The following CALN1 variants were observed in gnomAD, a reference collection of about 807,000 sequenced individuals.
CALN1 encodes calcium-binding protein 8.
CALN1 carries 17 observed loss-of-function variants against 30.6 expected under a neutral mutation model. That is an observed-to-expected ratio of 0.56 (90% CI 0.38 to 0.83). CALN1 has a LOEUF of 0.83. CALN1 is among the 40% of genes least tolerant of loss of function. The pLI is 0.00. For missense variants in CALN1, 291 were observed against 354.9 expected, an observed-to-expected ratio of 0.82 and a Z score of 1.45; for synonymous variants, 156 against 131.4, an observed-to-expected ratio of 1.19 and a Z score of -1.28.
chr7:72,227,473 A>G (rs1793767278), intron 3 of CALN1, among the ~76,000 whole-genome samples: 1 of 151,022 alleles, frequency 6.6e-6, no homozygotes, highest in South Asian at 2.1e-4. Context: ...CTGGGAGGTA[A>G]AGATTGCAGT....
chr7:71,936,459 A>C (rs1422735625), intron 5 of CALN1, among the ~76,000 whole-genome samples: 1 of 151,366 alleles, frequency 6.6e-6, no homozygotes, highest in Non-Finnish European at 1.5e-5. Flanking sequence ...CTGGCACTGT[A>C]CACCAAGCTG....
At chr7:72,387,114 G>C (rs1285641099) in intron 2 of CALN1, among the ~76,000 whole-genome samples, 1 of 145,432 alleles carries the variant, frequency 6.9e-6, no homozygotes, top group Non-Finnish European at 1.5e-5. Flanking sequence ...AAAAAAATTT[G>C]TACTGGATCA....
At position 71,930,746 on chromosome 7, in the gene CALN1, G is replaced by A. The variant is rs137966901; in HGVS notation, c.501+92911C>T. Among the ~76,000 whole-genome samples, 396 of 152,256 alleles carry A rather than the reference G, an allele frequency of 2.6e-3. 2 individuals are homozygous for A. Among genetic ancestry groups the A allele is most frequent in the Middle Eastern group, 0.01 (3 of 292 alleles). On this transcript the variant is annotated intron_variant, in intron 5 of 6. Transcript: ENST00000395275. ...AAGCAGTCCAACTTCATTCTCTCGCGTGTGTGTATTCTGGTGTCCCAGTTC... is the reference window on the plus strand; with the variant it reads ...AAGCAGTCCAACTTCATTCTCTCGCATGTGTGTATTCTGGTGTCCCAGTTC...
intron 5 of CALN1, among the ~76,000 whole-genome samples, chr7:71,955,318 G>A (rs887250872): frequency 4.6e-5 from 7 of 152,126 alleles, no homozygotes; most frequent in Non-Finnish European, 1.0e-4. Flanking sequence ...GCAATTATGG[G>A]AGCTACAATT....
intron 5 of CALN1, among the ~76,000 whole-genome samples, chr7:71,888,457 T>C (rs1793045959): frequency 7.2e-6 from 1 of 138,890 alleles, no homozygotes; most frequent in African/African-American, 2.9e-5. Flanking sequence ...AAGACATTTT[T>C]TCTTAAAAAA....
At chr7:72,366,787 A>G (rs973065130) in intron 2 of CALN1, among the ~76,000 whole-genome samples, 1 of 151,806 alleles carries the variant, frequency 6.6e-6, no homozygotes. Flanking sequence ...TCTAAATTGC[A>G]TGTATATGAC....
chr7:72,409,902 G>A (rs1016048733), intron 1 of CALN1, among the ~76,000 whole-genome samples: 23 of 152,046 alleles, frequency 1.5e-4, no homozygotes, highest in East Asian at 1.9e-4. Context: ...ATTGTTGAGG[G>A]CCACATTATA....
At chr7:71,886,860 G>A (rs1792941795) in intron 5 of CALN1, among the ~76,000 whole-genome samples, 2 of 151,892 alleles carry the variant, frequency 1.3e-5, no homozygotes, top group South Asian at 2.1e-4. Context: ...AATGGTGTTC[G>A]CTGCTGAAGA....
intron 5 of CALN1, among the ~76,000 whole-genome samples, chr7:72,008,169 C>A (rs1307380160): frequency 1.3e-5 from 2 of 151,952 alleles, no homozygotes; most frequent in African/African-American, 2.4e-5. Flanking sequence ...TATTGAGACA[C>A]AATAAATGGA....
At position 71,787,665 on chromosome 7, in the gene CALN1, G is replaced by A. The variant is rs575385473; in HGVS notation, c.*110C>T. The A allele has an allele frequency of 8.3e-5, 121 of 1,456,664 alleles. No homozygotes were observed. Among genetic ancestry groups the A allele is most frequent in the South Asian group, 3.3e-4 (25 of 75,314 alleles). The allele number at this position is 1,456,664 out of a possible 1,614,324, so 90.2% of individuals were successfully genotyped here. On this transcript the variant is annotated 3_prime_UTR_variant, in exon 7 of 7. Coordinates refer to ENST00000395275, the MANE Select transcript of CALN1 (RefSeq NM_031468.4). ...TCTTTACTGAACGGTTCCATCGTCC[G>A]CATCCATCCATAGTCCATAGGTCCG...
intron 2 of CALN1, among the ~76,000 whole-genome samples, chr7:72,288,448 T>A (rs993300833): frequency 6.6e-6 from 1 of 152,134 alleles, no homozygotes; most frequent in Non-Finnish European, 1.5e-5. Context: ...ATTGTTTTCA[T>A]TAGAACTGTG....
chr7:71,971,948 AAAAAAAAAGAAAGAAAGAAAGAAAG>A lies in CALN1; in HGVS notation c.501+51684_501+51708del, dbSNP rs1473766301. On this transcript the variant is annotated intron_variant, in intron 5 of 6. Coordinates refer to ENST00000395275, the MANE Select transcript of CALN1 (RefSeq NM_031468.4). ...CCTGTCTCAAAAAAAAAAAAAAAAA[AAAAAAAAAGAAAGAAAGAAAGAAAG>A]AAAGAAAGAAAGAAAGAAAGAGAAA... Among the ~76,000 whole-genome samples, 269 of 116,898 alleles carry A rather than the reference AAAAAAAAAGAAAGAAAGAAAGAAAG, an allele frequency of 2.3e-3. 12 individuals carry two copies. In the East Asian group the frequency reaches 0.076, roughly 33 times the overall value. 76.7% of individuals were successfully genotyped at this position (116,898 alleles called of 152,430 possible). A position where few individuals can be genotyped will look rare whatever the true frequency, so the allele number is the denominator to read the frequency against.
At chr7:71,849,448 T>TTC (rs1790512752) in intron 5 of CALN1, among the ~76,000 whole-genome samples, 1 of 151,856 alleles carries the variant, frequency 6.6e-6, no homozygotes, top group Admixed American at 6.6e-5. Flanking sequence ...TTTTTTTTTT[T>TTC]TTTGCCACAT....
chr7:71,988,326 G>A (rs1798781776), intron 5 of CALN1, among the ~76,000 whole-genome samples: 1 of 152,168 alleles, frequency 6.6e-6, no homozygotes, highest in Admixed American at 6.5e-5. Context: ...GCAGCCAGTT[G>A]GCTCCAGCAT....
chr7:71,833,245 A>G (rs920952295), intron 5 of CALN1, among the ~76,000 whole-genome samples: 6 of 152,134 alleles, frequency 3.9e-5, no homozygotes, highest in Admixed American at 2.0e-4. Context: ...GCCTGCTGAC[A>G]TTTTTGTTCT....
At chr7:72,391,422 G>C (rs1176425078) in intron 2 of CALN1, among the ~76,000 whole-genome samples, 1 of 152,164 alleles carries the variant, frequency 6.6e-6, no homozygotes, top group Non-Finnish European at 1.5e-5. Context: ...CAAGACACCA[G>C]AAGATCCCAA....
intron 5 of CALN1, among the ~76,000 whole-genome samples, chr7:71,994,017 TAA>T (rs1387081434): frequency 6.6e-6 from 1 of 152,162 alleles, no homozygotes; most frequent in East Asian, 1.9e-4. Context: ...ATTTTATTCA[TAA>T]AGTTAATGGA....
intron 4 of CALN1, among the ~76,000 whole-genome samples, chr7:72,087,501 G>A (rs532843010): frequency 6.6e-6 from 1 of 152,290 alleles, no homozygotes; most frequent in East Asian, 1.9e-4. Flanking sequence ...CCACCAAAGA[G>A]TGTTAGAAAA....
At chr7:72,134,056 C>A (rs539789944) in intron 3 of CALN1, among the ~76,000 whole-genome samples, 1 of 152,174 alleles carries the variant, frequency 6.6e-6, no homozygotes, top group Non-Finnish European at 1.5e-5. Context: ...GAGGGCTCTG[C>A]CCTCTTGAAT....
Sources: gnomAD v4.1 joint callset for allele counts (sites outside exome capture counted in the v4.1 genomes callset) on GRCh38, gnomAD v4.1.1 for gene constraint, MANE v1.5 for transcripts, NCBI Gene and HGNC (gene_info 2026-07-23, HGNC 2026-07-21) for gene names.